ALMS1: variants seen among roughly 807,000 people sequenced by gnomAD.
The protein encoded by ALMS1 is ALMS1 centrosome and basal body associated protein.
ALMS1 carries 271 observed loss-of-function variants against 352.2 expected under a neutral mutation model. The ratio of observed to expected loss-of-function variants is 0.77; its 90% CI spans 0.70 to 0.85. The LOEUF (loss-of-function observed/expected upper bound fraction) is 0.85, where lower values mean the gene tolerates loss of function less well. Among genes scored for constraint, ALMS1 ranks in the 40% least tolerant of loss-of-function variants. The pLI, the probability that ALMS1 is intolerant of heterozygous loss-of-function variation, is 0.00. For synonymous variants in ALMS1, 1,865 were observed against 1,761.2 expected, an observed-to-expected ratio of 1.06 and a Z score of -1.48; for missense variants, 5,445 against 4,870.7, an observed-to-expected ratio of 1.12 and a Z score of -3.51.
intron 10 of ALMS1, among the ~76,000 whole-genome samples, chr2:73,496,500 A>C (rs1673111264): frequency 1.3e-5 from 2 of 152,260 alleles, no homozygotes; most frequent in South Asian, 4.1e-4. Context: ...AGGATATTTG[A>C]GTTGTTTCTA....
At chr2:73,558,944 G>T (rs765628821) in intron 14 of ALMS1, 28 bp from the exon 15 acceptor site, 7 of 1,612,542 alleles carry the variant, frequency 4.3e-6, no homozygotes, top group Non-Finnish European at 5.9e-6. Flanking sequence ...GTTCCTGTCT[G>T]TATAGTGTGT....
chr2:73,459,914 G>C (rs557604769), intron 9 of ALMS1, among the ~76,000 whole-genome samples: 2 of 152,080 alleles, frequency 1.3e-5, no homozygotes, highest in South Asian at 4.2e-4. Flanking sequence ...GACAATGTGT[G>C]TGTACATAAT....
chr2:73,451,411 C>T lies in ALMS1; in HGVS notation c.4884C>T (p.Tyr1628=). The stretch of plus-strand genomic sequence containing the variant: ...TTGGAGAGAAGCCCATTACTTTCTA[C>T]CGGCAGGCTCTGCTAGACAGTCCTC... ...SALGEKPITF[Y]RQALLDSPLN... is the part of the protein sequence containing the mutation. Residue 1628 remains tyrosine, a synonymous_variant, in exon 8 of 23, where the codon TAC becomes TAT. Transcript: ENST00000613296. 3.1e-6 allele frequency: 5 copies of T among 1,613,924 alleles called. No individual in the cohort carries two copies. Among genetic ancestry groups the T allele is most frequent in the Non-Finnish European group, 3.4e-6 (4 of 1,179,984 alleles).
chr2:73,507,991 G>C (rs1010541969), intron 10 of ALMS1, among the ~76,000 whole-genome samples: 8 of 151,952 alleles, frequency 5.3e-5, no homozygotes. Flanking sequence ...TGTTCTCATT[G>C]GTTTCACAGA....
Position 73,599,384 on chromosome 2 carries a change from C to T in ALMS1, c.11548-17C>T. ...TGACTGCAGGTAATAATAACAAGAT[C>T]TCTTTTATTTTTCTAGGTAGCAAAC... On this transcript the variant is annotated splice_polypyrimidine_tract_variant and intron_variant, in intron 16 of 22. Coordinates refer to ENST00000613296, the MANE Select transcript of ALMS1 (RefSeq NM_001378454.1). 1 of 1,611,586 alleles carries T rather than the reference C, an allele frequency of 6.2e-7. No individual in the cohort carries two copies. Among genetic ancestry groups the T allele is most frequent in the Non-Finnish European group, 8.5e-7 (1 of 1,179,572 alleles).
chr2:73,575,863 GTT>G (rs898980024), intron 16 of ALMS1, among the ~76,000 whole-genome samples: 1 of 148,448 alleles, frequency 6.7e-6, no homozygotes, highest in Non-Finnish European at 1.5e-5. Context: ...TTTTTTTTTT[GTT>G]TTTTGTGCTT....
chr2:73,451,292 C>A lies in ALMS1; in HGVS notation c.4765C>A (p.His1589Asn), dbSNP rs771703863. 15 of 1,613,940 alleles carry A rather than the reference C, an allele frequency of 9.3e-6. No individual in the cohort carries two copies. Among genetic ancestry groups the A allele is most frequent in the Non-Finnish European group, 1.7e-6 (2 of 1,179,990 alleles). The stretch of plus-strand genomic sequence containing the variant: ...CTACAAACAGGCCTTTCCAGATGGT[C>A]ATCTACCTGAAGAGGCTCTGAAAGT... The part of the protein sequence containing the change: ...VNYKQAFPDG[H>N]LPEEALKVSI... Residue 1589 changes from histidine (H) to asparagine (N), a missense_variant, in exon 8 of 23, where the codon CAT (histidine) becomes AAT (asparagine). Transcript: ENST00000613296.
At chr2:73,582,561 A>G (rs1675209481) in intron 16 of ALMS1, among the ~76,000 whole-genome samples, 1 of 152,182 alleles carries the variant, frequency 6.6e-6, no homozygotes, top group Non-Finnish European at 1.5e-5. Flanking sequence ...GGTAACCACT[A>G]TTCTGCTTCC....
chr2:73,595,613 G>T (rs1558708717), intron 16 of ALMS1, among the ~76,000 whole-genome samples: 1 of 152,158 alleles, frequency 6.6e-6, no homozygotes. Context: ...AAAGTTTTGT[G>T]TGGGCATACA....
intron 9 of ALMS1, among the ~76,000 whole-genome samples, chr2:73,480,525 G>A (rs867761466): frequency 6.6e-5 from 10 of 151,940 alleles, no homozygotes; most frequent in South Asian, 6.2e-4. Flanking sequence ...GAATAATGCC[G>A]CAATAAACAT....
At chr2:73,538,079 C>G (rs916396311) in intron 12 of ALMS1, among the ~76,000 whole-genome samples, 4 of 152,120 alleles carry the variant, frequency 2.6e-5, no homozygotes, top group Non-Finnish European at 4.4e-5. Flanking sequence ...AAATTCAAAA[C>G]TTTTGTACAC....
At chr2:73,553,414 T>A (rs10192708) in intron 13 of ALMS1, among the ~76,000 whole-genome samples, 11,605 of 152,186 alleles carry the variant, frequency 0.076, 1,122 homozygotes, top group African/African-American at 0.22. Context: ...ACCCATTCAG[T>A]TTGAAGCCTG....
At chr2:73,466,264 G>GA (rs1672340958) in intron 9 of ALMS1, among the ~76,000 whole-genome samples, 1 of 152,010 alleles carries the variant, frequency 6.6e-6, no homozygotes, top group South Asian at 2.1e-4. Flanking sequence ...ACTGGATTAA[G>GA]AAAATGTGGC....
rs1185795514 is a variant in ALMS1, at chr2:73,550,451, C to T, written c.10078+14C>T. On this transcript the variant is annotated intron_variant, in intron 13 of 22. Coordinates refer to ENST00000613296, the MANE Select transcript of ALMS1 (RefSeq NM_001378454.1). Reference sequence around the variant, plus strand: ...ATGAAAATGCAGGTAACTGGATTGGCTTTGTATACTTTGTAGCTTTTTCTC... The same window carrying T: ...ATGAAAATGCAGGTAACTGGATTGGTTTTGTATACTTTGTAGCTTTTTCTC... 6.2e-7 allele frequency: 1 copy of T among 1,613,642 alleles called. No individual in the cohort carries two copies. Among genetic ancestry groups the T allele is most frequent in the Non-Finnish European group, 8.5e-7 (1 of 1,179,834 alleles).
chr2:73,479,601 CCA>C (rs1431464409), intron 9 of ALMS1, among the ~76,000 whole-genome samples: 1 of 152,088 alleles, frequency 6.6e-6, no homozygotes, highest in African/African-American at 2.4e-5. Context: ...TATGAATGCA[CCA>C]CAGTTTAAAT....
rs1466650279 is a variant in ALMS1 at position 73,452,015 on chromosome 2, A to T, written c.5488A>T (p.Ile1830Phe). 6.2e-7 allele frequency: 1 copy of T among 1,612,434 alleles called. No homozygotes were observed. The highest frequency in any genetic ancestry group is 2.2e-5 in the East Asian group (1 of 44,716). The change falls in exon 8 of 23, where the codon ATT (isoleucine) becomes TTT (phenylalanine). Residue 1830 changes from isoleucine (I) to phenylalanine (F), a missense_variant. Coordinates refer to ENST00000613296, the MANE Select transcript of ALMS1 (RefSeq NM_001378454.1). Reference protein sequence around the residue: ...LPHFTEAGLKILRVPGPADQK... With the variant: ...LPHFTEAGLKFLRVPGPADQK... ...GCATTTTACTGAAGCAGGTTTGAAA[A>T]TTTTAAGAGTTCCTGGACCAGCTGA...
At chr2:73,487,178 G>A (rs945562880) in intron 9 of ALMS1, among the ~76,000 whole-genome samples, 7 of 152,192 alleles carry the variant, frequency 4.6e-5, no homozygotes, top group Non-Finnish European at 1.0e-4. Context: ...CACATTCTCC[G>A]CACTTGGCCT....
At position 73,491,437 on chromosome 2, in the gene ALMS1, G is replaced by A. The variant is rs761324968; in HGVS notation, c.9478G>A (p.Val3160Met). The A allele has an allele frequency of 3.1e-6, 5 of 1,614,150 alleles. No individual in the cohort carries two copies. Among genetic ancestry groups the A allele is most frequent in the Non-Finnish European group, 3.4e-6 (4 of 1,180,018 alleles). ...GATAGTAACCTCCAGGCAAATACAA[G>A]TGAACATTTCAGATTTCGAAGGACA... ...SQIVTSRQIQ[V>M]NISDFEGHSN... is the part of the protein sequence containing the mutation. Residue 3160 changes from valine (V) to methionine (M), a missense_variant, in exon 10 of 23, where the codon GTG becomes ATG. Val to Met is a conservative substitution (Grantham distance 21). Coordinates refer to ENST00000613296, the MANE Select transcript of ALMS1 (RefSeq NM_001378454.1).
chr2:73,591,901 G>C (rs62149782), intron 16 of ALMS1, among the ~76,000 whole-genome samples: 21,176 of 152,054 alleles, frequency 0.14, 1,722 homozygotes, highest in Admixed American at 0.19. Flanking sequence ...CAACCTTCTG[G>C]TTTTCCTGTG....
Sources: allele counts gnomAD v4.1 joint callset (sites outside exome capture counted in the v4.1 genomes callset), GRCh38; gene constraint gnomAD v4.1.1; transcripts MANE v1.5; gene names NCBI Gene and HGNC (gene_info 2026-07-23, HGNC 2026-07-21).